The following PACRG variants were observed in gnomAD, a reference collection of about 807,000 sequenced individuals.
The protein encoded by PACRG is parkin coregulated gene protein.
In PACRG, 29 loss-of-function variants were observed where a neutral mutation model predicts 29.7. That is an observed-to-expected ratio of 0.98 (90% CI 0.73 to 1.33). The LOEUF (loss-of-function observed/expected upper bound fraction) is 1.33, where lower values mean the gene tolerates loss of function less well. Among genes scored for constraint, PACRG ranks in the 40% most tolerant of loss-of-function variants. The probability of loss-of-function intolerance (pLI) is 0.00; values close to 1 mark genes in which losing one functional copy is unlikely to be tolerated. For synonymous variants in PACRG, 116 were observed against 118.7 expected (o/e 0.98, Z 0.15); for missense variants, 279 against 316.2 (o/e 0.88, Z 0.89).
At chr6:163,006,139 T>A (rs1805081729) in intron 2 of PACRG, among the ~76,000 whole-genome samples, 2 of 141,148 alleles carry the variant, frequency 1.4e-5, no homozygotes, top group African/African-American at 5.3e-5. Flanking sequence ...TATTATATAT[T>A]ATTATATATA....
chr6:163,124,751 C>T (rs1434402105), intron 4 of PACRG, among the ~76,000 whole-genome samples: 1 of 152,170 alleles, frequency 6.6e-6, no homozygotes, highest in Non-Finnish European at 1.5e-5. Context: ...CATGCTGGCA[C>T]CTTCGAGAGG....
intron 4 of PACRG, among the ~76,000 whole-genome samples, chr6:163,147,272 T>C (rs1444280282): frequency 6.6e-6 from 1 of 152,252 alleles, no homozygotes; most frequent in Non-Finnish European, 1.5e-5. Context: ...GGATGCATCA[T>C]TGAACACACA....
In PACRG at chr6:163,069,941, A is replaced by G. The variant is rs181781226; in HGVS notation, c.463+7620A>G. 9.2e-5 allele frequency among the ~76,000 whole-genome samples: 14 copies of G among 152,320 alleles called. No individual in the cohort carries two copies. In the East Asian group the frequency reaches 2.5e-3, roughly 27 times the overall value. On this transcript the variant is annotated intron_variant, in intron 3 of 4. Coordinates refer to ENST00000366888, the MANE Select transcript of PACRG (RefSeq NM_001080379.2). ...AGAGAAAATAAACAAATAACATTCA[A>G]TGGAGCCCTAATACATCTGGCAGTA... is the stretch of plus-strand genomic sequence containing the variant.
At chr6:163,264,873 G>A (rs930585479) in intron 4 of PACRG, among the ~76,000 whole-genome samples, 1 of 152,192 alleles carries the variant, frequency 6.6e-6, no homozygotes, top group Non-Finnish European at 1.5e-5. Flanking sequence ...TCTTTCGCAA[G>A]TATGTAGGCC....
intron 4 of PACRG, among the ~76,000 whole-genome samples, chr6:163,205,864 G>A (rs1277964394): frequency 6.6e-6 from 1 of 151,830 alleles, no homozygotes; most frequent in Non-Finnish European, 1.5e-5. Flanking sequence ...GGAATTTACG[G>A]GCAAAAACCA....
chr6:162,815,305 G>C (rs1402318249), intron 2 of PACRG, among the ~76,000 whole-genome samples: 1 of 151,562 alleles, frequency 6.6e-6, no homozygotes, highest in African/African-American at 2.4e-5. Flanking sequence ...AAAAATAAAA[G>C]TACAAATCAG....
intron 4 of PACRG, among the ~76,000 whole-genome samples, chr6:163,279,312 T>G (rs752816090): frequency 2.6e-4 from 39 of 152,232 alleles, no homozygotes; most frequent in Non-Finnish European, 4.9e-4. Context: ...CTTCACCAAT[T>G]TGGATGCCCT....
chr6:163,120,209 T>C (rs973642163), intron 4 of PACRG, among the ~76,000 whole-genome samples: 2 of 152,164 alleles, frequency 1.3e-5, no homozygotes, highest in Non-Finnish European at 2.9e-5. Flanking sequence ...ACTGACCTAG[T>C]ATTCAACTGT....
At chr6:163,153,421 T>A (rs1778183472) in intron 4 of PACRG, among the ~76,000 whole-genome samples, 1 of 152,244 alleles carries the variant, frequency 6.6e-6, no homozygotes, top group Admixed American at 6.5e-5. Context: ...TATGTTTTTA[T>A]TAAAATGCTC....
At chr6:162,802,850 T>C (rs1224054379) in intron 1 of PACRG, among the ~76,000 whole-genome samples, 2 of 152,216 alleles carry the variant, frequency 1.3e-5, no homozygotes, top group Non-Finnish European at 2.9e-5. Context: ...TTCCATTTTC[T>C]TGCTACTATT....
chr6:163,089,432 T>C (rs1216412937), intron 4 of PACRG, 24 bp downstream of exon 4: 1 of 1,608,276 alleles, frequency 6.2e-7, no homozygotes, highest in African/African-American at 1.3e-5. Flanking sequence ...CGAGTCAAAA[T>C]GTCTTTTAAG....
chr6:163,092,586 T>C (rs1268611580), intron 4 of PACRG, among the ~76,000 whole-genome samples: 2 of 152,052 alleles, frequency 1.3e-5, no homozygotes, highest in Non-Finnish European at 2.9e-5. Context: ...GACTAAACAG[T>C]AACATTTTGG....
At chr6:162,774,116 C>T (rs1783455726) in intron 1 of PACRG, among the ~76,000 whole-genome samples, 1 of 152,132 alleles carries the variant, frequency 6.6e-6, no homozygotes, top group Non-Finnish European at 1.5e-5. Context: ...GGATGGAAAG[C>T]TTTTGACGAA....
At chr6:162,812,546 G>A (rs376501986) in intron 1 of PACRG, among the ~76,000 whole-genome samples, 1 of 151,718 alleles carries the variant, frequency 6.6e-6, no homozygotes, top group East Asian at 1.9e-4. Flanking sequence ...ATTGGTAGAT[G>A]TTACCATCTA....
chr6:162,852,524 A>G (rs1791009956), intron 2 of PACRG, among the ~76,000 whole-genome samples: 1 of 152,236 alleles, frequency 6.6e-6, no homozygotes, highest in Non-Finnish European at 1.5e-5. Flanking sequence ...ACCTTGCATG[A>G]AAAACATAGA....
At chr6:163,137,528 A>G (rs909683393) in intron 4 of PACRG, among the ~76,000 whole-genome samples, 3 of 152,122 alleles carry the variant, frequency 2.0e-5, no homozygotes, top group Non-Finnish European at 4.4e-5. Flanking sequence ...AGCGACAAGA[A>G]CAGGGCGAGC....
chr6:163,041,005 G>A (rs1270555344), intron 2 of PACRG, among the ~76,000 whole-genome samples: 10 of 152,180 alleles, frequency 6.6e-5, no homozygotes, highest in African/African-American at 1.7e-4. Flanking sequence ...AATATGGTTC[G>A]GCTCTGTGTC....
intron 4 of PACRG, among the ~76,000 whole-genome samples, chr6:163,141,599 G>A (rs1188567436): frequency 6.7e-6 from 1 of 149,456 alleles, no homozygotes; most frequent in African/African-American, 2.5e-5. Context: ...CATGCTAAAA[G>A]ATTTAAAGAA....
At chr6:162,757,248 C>T (rs1378126742) in intron 1 of PACRG, among the ~76,000 whole-genome samples, 2 of 152,096 alleles carry the variant, frequency 1.3e-5, no homozygotes, top group Non-Finnish European at 1.5e-5. Context: ...TATTTGTGTT[C>T]ATAATTGATA....
Sources: gnomAD v4.1 joint callset for allele counts (sites outside exome capture counted in the v4.1 genomes callset) on GRCh38, gnomAD v4.1.1 for gene constraint, MANE v1.5 for transcripts, NCBI Gene and HGNC (gene_info 2026-07-23, HGNC 2026-07-21) for gene names.